AKT3: variants seen among roughly 807,000 people sequenced by gnomAD.
AKT3 encodes the protein RAC-gamma serine/threonine-protein kinase.
AKT3 carries 15 observed loss-of-function variants against 65.3 expected under a neutral mutation model. The observed-to-expected ratio is 0.23, with a 90% confidence interval of 0.15 to 0.35. The LOEUF (loss-of-function observed/expected upper bound fraction) is 0.35, where lower values mean the gene tolerates loss of function less well. AKT3 is among the 10% of genes least tolerant of loss of function. The pLI is 1.00. For missense variants in AKT3, 243 were observed against 576.5 expected, an observed-to-expected ratio of 0.42 and a Z score of 5.92; for synonymous variants, 206 against 183.8, an observed-to-expected ratio of 1.12 and a Z score of -0.98.
chr1:243,819,750 T>A (rs914892757), intron 2 of AKT3, among the ~76,000 whole-genome samples: 19 of 152,268 alleles, frequency 1.2e-4, no homozygotes, highest in Non-Finnish European at 2.2e-4. Flanking sequence ...CCTGCTGGCA[T>A]CAGGTCGGTG....
chr1:243,583,808 C>T (rs920067879), intron 8 of AKT3, among the ~76,000 whole-genome samples: 11 of 151,906 alleles, frequency 7.2e-5, no homozygotes, highest in Non-Finnish European at 1.0e-4. Context: ...ATTCCAGGGA[C>T]GCAGCAAAAG....
chr1:243,527,109 G>A (rs561264248), intron 12 of AKT3, among the ~76,000 whole-genome samples: 20 of 152,242 alleles, frequency 1.3e-4, no homozygotes, highest in African/African-American at 4.6e-4. Context: ...GATGTTTAAT[G>A]AATAAACCGA....
In AKT3 at chr1:243,505,331, T is replaced by C. The variant is rs375329841; in HGVS notation, c.1358A>G (p.Asp453Gly). ...TITITPPEKY[D>G]EDGMDCMDNE... ...GTCCATGCAGTCCATACCATCCTCA[T>C]CATCTGTGGGCAGGAAACATCTATT... is the stretch of plus-strand genomic sequence containing the variant. Residue 453 changes from aspartate to glycine, a missense_variant, in exon 14 of 14, where the codon GAT becomes GGT. Asp to Gly is a moderately conservative substitution (Grantham distance 94). This residue lies in a region of AKT3 where 57 missense variants were observed against 107.6 expected (regional missense o/e 0.53). Coordinates refer to ENST00000673466, the MANE Select transcript of AKT3 (RefSeq NM_005465.7). 1.2e-6 allele frequency: 2 copies of C among 1,613,692 alleles called. No homozygotes were observed. Among genetic ancestry groups the C allele is most frequent in the African/African-American group, 2.7e-5 (2 of 74,926 alleles).
At chr1:243,544,791 C>T (rs1254011540) in intron 12 of AKT3, among the ~76,000 whole-genome samples, 1 of 150,246 alleles carries the variant, frequency 6.7e-6, no homozygotes, top group Non-Finnish European at 1.5e-5. Flanking sequence ...GCAGCCTCAA[C>T]CTCCTGTGCT....
At chr1:243,583,249 T>G (rs1241818120) in intron 8 of AKT3, among the ~76,000 whole-genome samples, 1 of 146,518 alleles carries the variant, frequency 6.8e-6, no homozygotes, top group African/African-American at 2.5e-5. Flanking sequence ...CATATATGTA[T>G]GCACCCAATA....
At chr1:243,598,584 G>C (rs879482296) in intron 8 of AKT3, among the ~76,000 whole-genome samples, 2 of 152,108 alleles carry the variant, frequency 1.3e-5, no homozygotes, top group Non-Finnish European at 2.9e-5. Context: ...TTTAGTAAGT[G>C]AACAGGTATT....
At chr1:243,542,564 C>A (rs1574572530) in intron 12 of AKT3, among the ~76,000 whole-genome samples, 1 of 151,948 alleles carries the variant, frequency 6.6e-6, no homozygotes, top group South Asian at 2.1e-4. Context: ...TTTATCAAAA[C>A]AATAAAAATG....
rs966724685 is a variant in AKT3, at chr1:243,575,074, T to C, written c.697-2026A>G. ...TCTGCTATCTGATGTGTACCCTTAC[T>C]ACTTTATGGAACTTGTTAAGATAAC... On this transcript the variant is annotated intron_variant, in intron 8 of 13. Transcript: ENST00000673466. Among the ~76,000 whole-genome samples the C allele has an allele frequency of 2.0e-5, 3 of 152,192 alleles. No homozygotes were observed. The East Asian group carries it at 5.8e-4, about 29-fold the overall frequency.
chr1:243,819,554 G>C (rs914923369), intron 2 of AKT3, among the ~76,000 whole-genome samples: 1 of 152,208 alleles, frequency 6.6e-6, no homozygotes, highest in East Asian at 1.9e-4. Flanking sequence ...GCAGACTTAA[G>C]TCTTTCTCCC....
At chr1:243,650,886 G>C (rs1460961687) in intron 4 of AKT3, among the ~76,000 whole-genome samples, 1 of 152,112 alleles carries the variant, frequency 6.6e-6, no homozygotes, top group Non-Finnish European at 1.5e-5. Flanking sequence ...GGCTATGCGG[G>C]CTATTTTTTG....
intron 8 of AKT3, among the ~76,000 whole-genome samples, chr1:243,599,878 C>T (rs751894979): frequency 1.3e-5 from 2 of 152,050 alleles, no homozygotes; most frequent in Non-Finnish European, 2.9e-5. Context: ...AGCAGTAAAA[C>T]TGTCTTTGTT....
intron 3 of AKT3, among the ~76,000 whole-genome samples, chr1:243,692,181 C>T (rs1558725212): frequency 6.6e-6 from 1 of 152,142 alleles, no homozygotes; most frequent in Non-Finnish European, 1.5e-5. Flanking sequence ...TCTTACCTTC[C>T]TCTCATCCTT....
At chr1:243,743,422 A>C (rs1172769319) in intron 2 of AKT3, among the ~76,000 whole-genome samples, 1 of 152,240 alleles carries the variant, frequency 6.6e-6, no homozygotes, top group Non-Finnish European at 1.5e-5. Context: ...ACTATGAATA[A>C]ATAGTCTTAA....
chr1:243,733,488 T>C lies in AKT3; in HGVS notation c.47-37772A>G, dbSNP rs542143996. 3.9e-5 allele frequency among the ~76,000 whole-genome samples: 6 copies of C among 152,312 alleles called. No individual in the cohort carries two copies. The South Asian group carries it at 1.2e-3, about 32-fold the overall frequency. ...GCTTTAGCTACAGCTGTAACTACATTGCACACGGACAGAGCACAAAAACAA... is the reference window on the plus strand; with the variant it reads ...GCTTTAGCTACAGCTGTAACTACATCGCACACGGACAGAGCACAAAAACAA... On this transcript the variant is annotated intron_variant, in intron 2 of 13. Transcript: ENST00000673466.
intron 6 of AKT3, among the ~76,000 whole-genome samples, chr1:243,628,762 C>G (rs1290382553): frequency 6.6e-5 from 10 of 152,240 alleles, no homozygotes; most frequent in African/African-American, 2.4e-4. Flanking sequence ...AGGTAATCAG[C>G]CAGCATCCTG....
intron 2 of AKT3, among the ~76,000 whole-genome samples, chr1:243,796,771 C>T (rs1383185906): frequency 6.6e-6 from 1 of 152,088 alleles, no homozygotes; most frequent in African/African-American, 2.4e-5. Flanking sequence ...AAATGTGGTA[C>T]ATCCATATTA....
At chr1:243,706,678 T>A (rs950974693) in intron 2 of AKT3, among the ~76,000 whole-genome samples, 1 of 152,152 alleles carries the variant, frequency 6.6e-6, no homozygotes, top group Non-Finnish European at 1.5e-5. Flanking sequence ...GATTGAGTCT[T>A]GTACCACAGC....
intron 3 of AKT3, 32 bp downstream of exon 3, chr1:243,695,559 A>T (rs745355257): frequency 6.5e-7 from 1 of 1,542,236 alleles, no homozygotes; most frequent in Non-Finnish European, 8.8e-7. Flanking sequence ...ATAAATAAAT[A>T]CAAGATGAAT....
chr1:243,615,040 A>G (rs1043631513), intron 7 of AKT3, 56 bp downstream of exon 7: 1 of 1,266,512 alleles, frequency 7.9e-7, no homozygotes, highest in Non-Finnish European at 1.1e-6. Context: ...TTTCTAACAT[A>G]AAATTCCTTA....
Sources: gnomAD v4.1 joint callset for allele counts (sites outside exome capture counted in the v4.1 genomes callset) on GRCh38, gnomAD v4.1.1 for gene constraint, gnomAD v4.1.1 regional missense constraint, MANE v1.5 for transcripts, NCBI Gene and HGNC (gene_info 2026-07-23, HGNC 2026-07-21) for gene names.